Variants in JPT2 observed in about 807,000 individuals in gnomAD.
The protein encoded by JPT2 is Jupiter microtubule associated homolog 2, also known as CRAMP_1 like.
In JPT2, 9 loss-of-function variants were observed where a neutral mutation model predicts 15.9. The ratio of observed to expected loss-of-function variants is 0.57; its 90% CI spans 0.34 to 0.99. The LOEUF (loss-of-function observed/expected upper bound fraction) is 0.99. Ranked by LOEUF, JPT2 falls within the 50% of genes least tolerant of loss-of-function variation. The pLI is 0.02. For missense variants in JPT2, 267 were observed against 252.1 expected (o/e 1.06, Z -0.40); for synonymous variants, 95 against 91.7 (o/e 1.04, Z -0.21).
chr16:1,687,267 A>G (rs1051288678), intron 2 of JPT2, among the ~76,000 whole-genome samples: 6 of 152,136 alleles, frequency 3.9e-5, no homozygotes, highest in East Asian at 3.9e-4. Flanking sequence ...GATTACAGAC[A>G]TGCACCCTTG....
In JPT2 at chr16:1,678,485, C is replaced by T. The variant is rs967582764; in HGVS notation, c.44+129C>T. On this transcript the variant is annotated intron_variant, in intron 1 of 4. Transcript: ENST00000248098. ...GGGGGCAGGGCGACCTCACAGAGGC[C>T]CTCGGGGCCGCCGCCCGCCTTTCTG... The T allele has an allele frequency of 1.8e-5, 17 of 953,194 alleles. No homozygotes were observed. The African/African-American group carries it at 2.2e-4, about 12-fold the overall frequency. The allele number at this position is 953,194 out of a possible 1,614,324, so 59.0% of individuals were successfully genotyped here. A position where few individuals can be genotyped will look rare whatever the true frequency, so the allele number is the denominator to read the frequency against.
rs369516851 is a variant in JPT2, at chr16:1,700,336, C to T, written c.*1338C>T. The T allele has an allele frequency of 8.9e-6, 3 of 335,796 alleles. No individual in the cohort carries two copies. The highest frequency in any genetic ancestry group is 6.4e-5 in the African/African-American group (3 of 46,792). The allele number at this position is 335,796 out of a possible 1,614,324, so 20.8% of individuals were successfully genotyped here. ...AGCCTCTGCCCATCCCCCTCAAGGG[C>T]TGCAGGCCCAGTTCTCATGCTGCCC... On this transcript the variant is annotated 3_prime_UTR_variant, in exon 5 of 5. Transcript: ENST00000248098.
At chr16:1,697,883 T>G in intron 4 of JPT2, 23 bp downstream of exon 4, 2 of 1,605,406 alleles carry the variant, frequency 1.2e-6, no homozygotes, top group Non-Finnish European at 1.7e-6. Flanking sequence ...TTTCTTTCCC[T>G]TCTCCTGAGT....
chr16:1,701,763 T>G lies in JPT2; in HGVS notation c.*2765T>G. The G allele has an allele frequency of 5.9e-6, 1 of 168,182 alleles. No homozygotes were observed. 10.4% of individuals were successfully genotyped at this position (168,182 alleles called of 1,614,324 possible). On this transcript the variant is annotated 3_prime_UTR_variant, in exon 5 of 5. Transcript: ENST00000248098. ...GTCCTGTCAAGAAAACAGGTGGGCA[T>G]GGTGGCTCAGGTCTGTAGTCTTTGG... is the stretch of plus-strand genomic sequence containing the variant.
At chr16:1,702,741 A>G (rs1018629137), downstream of JPT2, among the ~76,000 whole-genome samples, 3 of 152,248 alleles carry the variant, frequency 2.0e-5, no homozygotes, top group African/African-American at 7.2e-5. Context: ...AGTGCTATCT[A>G]AAGATGCTCT....
chr16:1,694,686 A>G (rs1250123914), intron 3 of JPT2, among the ~76,000 whole-genome samples: 1 of 151,702 alleles, frequency 6.6e-6, no homozygotes, highest in East Asian at 1.9e-4. Context: ...AGCCTTCCAA[A>G]GGGCTTTTTT....
rs1278120950 is a variant in JPT2 at position 1,699,850 on chromosome 16, C to T, written c.*852C>T. 1 of 287,198 alleles carries T rather than the reference C, an allele frequency of 3.5e-6. No homozygotes were observed. Among genetic ancestry groups the T allele is most frequent in the Non-Finnish European group, 7.1e-6 (1 of 140,228 alleles). The allele number at this position is 287,198 out of a possible 1,614,324, so 17.8% of individuals were successfully genotyped here. A position where few individuals can be genotyped will look rare whatever the true frequency, so the allele number is the denominator to read the frequency against. On this transcript the variant is annotated 3_prime_UTR_variant, in exon 5 of 5. Transcript: ENST00000248098. ...TCCCATAAATGAGGCCCGCTGACCT[C>T]TGCGGGACTTTAAAAATCTATTCAG... is the stretch of plus-strand genomic sequence containing the variant.
intron 1 of JPT2, among the ~76,000 whole-genome samples, chr16:1,684,547 C>T (rs1378302301): frequency 6.6e-6 from 1 of 151,338 alleles, no homozygotes; most frequent in African/African-American, 2.4e-5. Context: ...TCGAGACCAA[C>T]CTGACCAACA....
intron 1 of JPT2, among the ~76,000 whole-genome samples, chr16:1,680,162 G>T (rs899536974): frequency 7.2e-5 from 11 of 152,226 alleles, no homozygotes; most frequent in African/African-American, 2.7e-4. Flanking sequence ...TCCGGTTTCT[G>T]GTTCCTGGTG....
chr16:1,693,315 T>G (rs942913873), intron 3 of JPT2, among the ~76,000 whole-genome samples: 3 of 152,210 alleles, frequency 2.0e-5, no homozygotes, highest in Non-Finnish European at 4.4e-5. Flanking sequence ...CAGGCTGGTC[T>G]TGAACTCCTG....
At chr16:1,693,258 G>A (rs546999676) in intron 3 of JPT2, among the ~76,000 whole-genome samples, 67 of 152,108 alleles carry the variant, frequency 4.4e-4, no homozygotes, top group African/African-American at 1.2e-3. Flanking sequence ...CACCACGTCC[G>A]GCTAATTTTT....
intron 2 of JPT2, chr16:1,685,881 G>C (rs187512007): frequency 3.7e-6 from 1 of 268,206 alleles, no homozygotes; most frequent in Non-Finnish European, 7.0e-6. Context: ...ATTGTTCCAC[G>C]GACCCCCATG....
chr16:1,682,491 G>A (rs2037031179), intron 1 of JPT2, among the ~76,000 whole-genome samples: 1 of 152,090 alleles, frequency 6.6e-6, no homozygotes, highest in African/African-American at 2.4e-5. Flanking sequence ...GGCCAACATG[G>A]TGAAACCCCG....
At chr16:1,683,778 T>C (rs2037043676) in intron 1 of JPT2, among the ~76,000 whole-genome samples, 1 of 152,226 alleles carries the variant, frequency 6.6e-6, no homozygotes, top group East Asian at 1.9e-4. Context: ...TTATTTTTGT[T>C]AACCAAACCT....
chr16:1,683,062 C>G (rs987271756), intron 1 of JPT2, among the ~76,000 whole-genome samples: 2 of 152,162 alleles, frequency 1.3e-5, no homozygotes, highest in Admixed American at 1.3e-4. Context: ...CTGCAAGCTC[C>G]GCCTCCCGGG....
At chr16:1,691,761 G>A in intron 2 of JPT2, 82 bp from the exon 3 acceptor site, 2 of 1,485,880 alleles carry the variant, frequency 1.3e-6, no homozygotes, top group Non-Finnish European at 1.8e-6. Flanking sequence ...ATGAGAGGAG[G>A]TCTCCAAAGC....
At chr16:1,679,732 A>G (rs2037005513) in intron 1 of JPT2, among the ~76,000 whole-genome samples, 1 of 148,842 alleles carries the variant, frequency 6.7e-6, no homozygotes. Context: ...TGAGGGAGTT[A>G]GGTCAGTATT....
At position 1,701,698 on chromosome 16, in the gene JPT2, A is replaced by G. The variant is rs1441045542; in HGVS notation, c.*2700A>G. On this transcript the variant is annotated 3_prime_UTR_variant, in exon 5 of 5. Transcript: ENST00000248098. ...TAACCTGCCTCTGACCTGGCTTGCAATGCATAGGTGAGGAGAAGCAGAGAG... is the reference window on the plus strand; with the variant it reads ...TAACCTGCCTCTGACCTGGCTTGCAGTGCATAGGTGAGGAGAAGCAGAGAG... 1.3e-5 allele frequency: 2 copies of G among 155,808 alleles called. No homozygotes were observed. Among genetic ancestry groups the G allele is most frequent in the African/African-American group, 2.4e-5 (1 of 41,474 alleles). The allele number at this position is 155,808 out of a possible 1,614,324, so 9.7% of individuals were successfully genotyped here. A position where few individuals can be genotyped will look rare whatever the true frequency, so the allele number is the denominator to read the frequency against.
chr16:1,678,501 C>G (rs938626409), intron 1 of JPT2, 145 bp downstream of exon 1: 1 of 819,406 alleles, frequency 1.2e-6, no homozygotes, highest in African/African-American at 1.8e-5. Flanking sequence ...GGCCGCCGCC[C>G]GCCTTTCTGC....
Sources: gnomAD v4.1 joint callset for allele counts (sites outside exome capture counted in the v4.1 genomes callset) on GRCh38, gnomAD v4.1.1 for gene constraint, MANE v1.5 for transcripts, NCBI Gene and HGNC (gene_info 2026-07-23, HGNC 2026-07-21) for gene names.